Variants in OR9Q1 observed in about 807,000 individuals in gnomAD.
The protein encoded by OR9Q1 is olfactory receptor 9Q1.
For synonymous variants in OR9Q1, 153 were observed against 148.6 expected (o/e 1.03, Z -0.22); for missense variants, 374 against 378.8 (o/e 0.99, Z 0.11).
rs192023139 is a variant in OR9Q1, at chr11:58,108,759, A to T, written c.-15+52812A>T. On this transcript the variant is annotated intron_variant, in intron 2 of 2. Transcript: ENST00000335397. ...ATTGGAATTTACCAACGAGTTTTCCAAATGCAGCTTTTACATCTTTGTTCC... is the reference window on the plus strand; with the variant it reads ...ATTGGAATTTACCAACGAGTTTTCCTAATGCAGCTTTTACATCTTTGTTCC... 111 of 216,480 alleles carry T rather than the reference A, an allele frequency of 5.1e-4. No homozygotes were observed. In the Middle Eastern group the frequency reaches 7.1e-3, roughly 14 times the overall value. 13.4% of individuals were successfully genotyped at this position (216,480 alleles called of 1,614,324 possible).
chr11:58,140,088 C>A (rs1198431905), intron 2 of OR9Q1, among the ~76,000 whole-genome samples: 1 of 151,966 alleles, frequency 6.6e-6, no homozygotes, highest in East Asian at 1.9e-4. Context: ...TGTCTTCTTT[C>A]GAGAAGTGTC....
At chr11:58,167,652 G>A (rs1394185436) in intron 2 of OR9Q1, among the ~76,000 whole-genome samples, 2 of 152,144 alleles carry the variant, frequency 1.3e-5, no homozygotes, top group Non-Finnish European at 1.5e-5. Flanking sequence ...GTCAATTGTG[G>A]ATCAGGTTGG....
At chr11:58,144,439 A>G (rs1008941417) in intron 2 of OR9Q1, 1 of 93,714 alleles carries the variant, frequency 1.1e-5, no homozygotes, top group Middle Eastern at 7.7e-3. Context: ...ATGAGACTTT[A>G]TTATTATTAT....
chr11:58,102,072 A>AACTTAGATTTAAG (rs1853789406), intron 2 of OR9Q1, among the ~76,000 whole-genome samples: 1 of 151,998 alleles, frequency 6.6e-6, no homozygotes, highest in Non-Finnish European at 1.5e-5. Context: ...ACAGTTTTGG[A>AACTTAGATTTAAG]TCTTAGATTT....
intron 2 of OR9Q1, among the ~76,000 whole-genome samples, chr11:58,107,181 T>C (rs1853849376): frequency 6.6e-6 from 1 of 152,056 alleles, no homozygotes; most frequent in Non-Finnish European, 1.5e-5. Flanking sequence ...GTTATATATG[T>C]ATATATGTGC....
intron 2 of OR9Q1, among the ~76,000 whole-genome samples, chr11:58,154,651 C>T (rs1264415337): frequency 1.3e-5 from 2 of 152,126 alleles, no homozygotes; most frequent in Non-Finnish European, 2.9e-5. Flanking sequence ...GAGGTGATGA[C>T]TATTGTAATT....
chr11:58,142,477 A>ACAACC (rs931367174), intron 2 of OR9Q1, among the ~76,000 whole-genome samples: 27 of 152,272 alleles, frequency 1.8e-4, no homozygotes, highest in African/African-American at 6.5e-4. Flanking sequence ...GTATAGAAAA[A>ACAACC]CAACCTAAAT....
intron 2 of OR9Q1, among the ~76,000 whole-genome samples, chr11:58,115,335 T>C (rs901544589): frequency 6.6e-6 from 1 of 152,118 alleles, no homozygotes; most frequent in Non-Finnish European, 1.5e-5. Context: ...CTAAAGCAAA[T>C]AAAGCAATTC....
intron 2 of OR9Q1, among the ~76,000 whole-genome samples, chr11:58,061,868 C>T (rs569217465): frequency 4.6e-5 from 7 of 152,298 alleles, no homozygotes; most frequent in South Asian, 4.1e-4. Flanking sequence ...AGAAATGTCT[C>T]GGTTCACACC....
In OR9Q1 at chr11:58,119,417, T is replaced by G. The variant is rs200213774; in HGVS notation, c.-14-60014T>G. The G allele has an allele frequency of 1.2e-6, 2 of 1,611,698 alleles. No homozygotes were observed. The highest frequency in any genetic ancestry group is 2.7e-5 in the African/African-American group (2 of 75,020). On this transcript the variant is annotated intron_variant, in intron 2 of 2. Transcript: ENST00000335397. ...ATAAAGCCCATGAGAATGAATTCGG[T>G]TACTCTGGTGAGATTATTCTTGGCC...
chr11:58,057,436 C>T (rs1853339357), intron 2 of OR9Q1, among the ~76,000 whole-genome samples: 1 of 152,122 alleles, frequency 6.6e-6, no homozygotes, highest in South Asian at 2.1e-4. Flanking sequence ...TGGTTGAGGC[C>T]TTTGTCCTCT....
intron 2 of OR9Q1, among the ~76,000 whole-genome samples, chr11:58,147,612 C>T (rs924599604): frequency 3.9e-5 from 6 of 151,998 alleles, no homozygotes; most frequent in African/African-American, 1.2e-4. Flanking sequence ...TTGATACATC[C>T]CCAGTATTTT....
chr11:58,118,812 G>T (rs773061611), intron 2 of OR9Q1: 17 of 1,614,070 alleles, frequency 1.1e-5, no homozygotes, highest in Non-Finnish European at 1.4e-5. Flanking sequence ...GGATGACGGA[G>T]GCATTGGCCA....
intron 2 of OR9Q1, among the ~76,000 whole-genome samples, chr11:58,080,981 C>T (rs545151878): frequency 2.1e-4 from 32 of 152,146 alleles, no homozygotes; most frequent in African/African-American, 6.0e-4. Context: ...CCCCACCCCC[C>T]GACAGGACCC....
At chr11:58,164,876 T>A (rs182245230) in intron 2 of OR9Q1, among the ~76,000 whole-genome samples, 26 of 152,320 alleles carry the variant, frequency 1.7e-4, no homozygotes, top group African/African-American at 6.3e-4. Context: ...GCCCTTGCAT[T>A]TGCTGTTCCC....
chr11:58,119,071 G>T, intron 2 of OR9Q1: 1 of 1,613,990 alleles, frequency 6.2e-7, no homozygotes, highest in Non-Finnish European at 8.5e-7. Context: ...GTTGCGAATG[G>T]CAGCATAGCG....
chr11:58,153,354 A>G (rs114660748), intron 2 of OR9Q1, among the ~76,000 whole-genome samples: 1 of 152,204 alleles, frequency 6.6e-6, no homozygotes, highest in African/African-American at 2.4e-5. Context: ...TTGTCTTTGG[A>G]GTTGGTGAGT....
intron 2 of OR9Q1, among the ~76,000 whole-genome samples, chr11:58,129,286 T>C (rs1179589618): frequency 6.6e-6 from 1 of 151,152 alleles, no homozygotes; most frequent in Non-Finnish European, 1.5e-5. Context: ...AGTAGAACAC[T>C]AGCACTACCT....
At chr11:58,050,656 C>A (rs931294727) in intron 1 of OR9Q1, among the ~76,000 whole-genome samples, 1 of 128,590 alleles carries the variant, frequency 7.8e-6, no homozygotes, top group Non-Finnish European at 1.7e-5. Context: ...TCAGAGTGAA[C>A]AGGCAACCTA....
Sources: allele counts gnomAD v4.1 joint callset (sites outside exome capture counted in the v4.1 genomes callset), GRCh38; gene constraint gnomAD v4.1.1; transcripts MANE v1.5; gene names NCBI Gene and HGNC (gene_info 2026-07-23, HGNC 2026-07-21).